SLC5A9: variants seen among roughly 807,000 people sequenced by gnomAD.
SLC5A9 encodes sodium/glucose cotransporter 4.
A neutral mutation model predicts 70.9 loss-of-function variants in SLC5A9; 59 were observed. The ratio of observed to expected loss-of-function variants is 0.83; its 90% confidence interval spans 0.68 to 1.03. The LOEUF is 1.03. Among genes scored for constraint, SLC5A9 ranks in the 50% least tolerant of loss-of-function variants. The pLI is 0.00. For missense variants in SLC5A9, 832 were observed against 881.1 expected, an observed-to-expected ratio of 0.94 and a Z score of 0.71; for synonymous variants, 340 against 346.5, an observed-to-expected ratio of 0.98 and a Z score of 0.21.
intron 10 of SLC5A9, among the ~76,000 whole-genome samples, chr1:48,236,495 AAC>A (rs1380060797): frequency 6.6e-6 from 1 of 152,238 alleles, no homozygotes; most frequent in Non-Finnish European, 1.5e-5. Context: ...TCTTGTGGGT[AAC>A]AGTTTTATGC....
intron 4 of SLC5A9, chr1:48,229,674 A>C: frequency 1.6e-6 from 1 of 611,736 alleles, no homozygotes; most frequent in Non-Finnish European, 2.7e-6. Flanking sequence ...CAGCCCCTAC[A>C]CTCAAATAAA....
At chr1:48,246,845 G>T (rs1644465354) in intron 13 of SLC5A9, among the ~76,000 whole-genome samples, 1 of 152,236 alleles carries the variant, frequency 6.6e-6, no homozygotes, top group Admixed American at 6.5e-5. Flanking sequence ...ATTTGCATAT[G>T]GCCTCACAGT....
chr1:48,224,014 C>T (rs1644107987), intron 1 of SLC5A9, among the ~76,000 whole-genome samples: 1 of 152,226 alleles, frequency 6.6e-6, no homozygotes, highest in Non-Finnish European at 1.5e-5. Context: ...TCCCTCGTGA[C>T]TGATTATTTT....
chr1:48,229,086 G>A, intron 3 of SLC5A9, 132 bp downstream of exon 3: 2 of 1,614,064 alleles, frequency 1.2e-6, no homozygotes, highest in African/African-American at 1.3e-5. Context: ...TTTCACAATT[G>A]AGAATCCATT....
Position 48,230,650 on chromosome 1 carries a change from C to G in SLC5A9, c.555C>G (p.Asn185Lys), listed in dbSNP as rs767995111. ...TCATCCAGATGGCATTGGGCTGGAA[C>G]CTGTACCTCTCCACAGGGATCCTGC... Reference protein sequence around the residue: ...ALFIQMALGWNLYLSTGILLV... With the variant: ...ALFIQMALGWKLYLSTGILLV... Residue 185 changes from asparagine (N) to lysine (K), a missense_variant, in exon 5 of 14, where the codon AAC becomes AAG. By Grantham distance (94) the Asn-to-Lys change is moderately conservative (BLOSUM62 0). Coordinates refer to ENST00000438567, the MANE Select transcript of SLC5A9 (RefSeq NM_001011547.3). 1.2e-6 allele frequency: 2 copies of G among 1,614,102 alleles called. No homozygotes were observed. The highest frequency in any genetic ancestry group is 2.2e-5 in the South Asian group (2 of 91,080).
chr1:48,237,611 T>A (rs1354982336), intron 10 of SLC5A9, 68 bp from the exon 11 acceptor site: 1 of 1,508,068 alleles, frequency 6.6e-7, no homozygotes, highest in African/African-American at 1.4e-5. Flanking sequence ...TTCCTGTGCA[T>A]CACCTTCACC....
intron 11 of SLC5A9, among the ~76,000 whole-genome samples, chr1:48,238,918 G>A (rs1198615142): frequency 2.0e-5 from 3 of 152,164 alleles, no homozygotes; most frequent in Admixed American, 1.3e-4. Flanking sequence ...GTTTGGGAAG[G>A]GGATCCTGGT....
Position 48,235,815 on chromosome 1 carries a change from A to G in SLC5A9, c.1228A>G (p.Thr410Ala), listed in dbSNP as rs756923867. 6.8e-6 allele frequency: 11 copies of G among 1,614,046 alleles called. No individual in the cohort carries two copies. The African/African-American group carries it at 1.2e-4, about 18-fold the overall frequency. Residue 410 changes from threonine to alanine, a missense_variant, in exon 10 of 14, where the codon ACC becomes GCC. Physicochemically the swap from Thr to Ala is moderately conservative, Grantham distance 58. Transcript: ENST00000438567. ...SIFNSSSTLF[T>A]IDVWQRFRRK... is the part of the protein sequence containing the mutation. The stretch of plus-strand genomic sequence containing the variant: ...CTTCAACAGCAGCAGCACCCTGTTC[A>G]CCATTGATGTGTGGCAGCGCTTCCG...
At chr1:48,228,622 C>T in intron 2 of SLC5A9, 1 of 631,910 alleles carries the variant, frequency 1.6e-6, no homozygotes, top group South Asian at 2.2e-5. Context: ...ACTGGGTGAC[C>T]TGGAGCCATG....
intron 13 of SLC5A9, 42 bp downstream of exon 13, chr1:48,242,658 AG>A (rs1303449661): frequency 7.7e-6 from 12 of 1,555,650 alleles, no homozygotes; most frequent in African/African-American, 2.7e-5. Context: ...ACAGAGGAAC[AG>A]GGGGGACAGA....
chr1:48,235,783 C>A lies in SLC5A9; in HGVS notation c.1196C>A (p.Thr399Asn), dbSNP rs1373160559. 4 of 1,614,126 alleles carry A rather than the reference C, an allele frequency of 2.5e-6. No homozygotes were observed. The highest frequency in any genetic ancestry group is 3.4e-6 in the Non-Finnish European group (4 of 1,180,054). The change falls in exon 10 of 14, where the codon ACC (threonine) becomes AAC (asparagine). Residue 399 changes from threonine to asparagine, a missense_variant. Transcript: ENST00000438567. ...VIMAALMSSL[T>N]SIFNSSSTLF... Reference sequence around the variant, plus strand: ...ATGGCCGCTCTCATGAGCTCACTCACCTCCATCTTCAACAGCAGCAGCACC... The same window carrying A: ...ATGGCCGCTCTCATGAGCTCACTCAACTCCATCTTCAACAGCAGCAGCACC...
Position 48,224,070 on chromosome 1 carries a change from G to C in SLC5A9, c.163-654G>C, listed in dbSNP as rs1402810896. Among the ~76,000 whole-genome samples, 3 of 152,288 alleles carry C rather than the reference G, an allele frequency of 2.0e-5. No homozygotes were observed. In the East Asian group the frequency reaches 5.8e-4, roughly 29 times the overall value. On this transcript the variant is annotated intron_variant, in intron 1 of 13. Transcript: ENST00000438567. Reference sequence around the variant, plus strand: ...AACTGTTGGCTTTTGCATCTGAATAGCTGCTTCAAGTTCATCCTTCCCTAC... The same window carrying C: ...AACTGTTGGCTTTTGCATCTGAATACCTGCTTCAAGTTCATCCTTCCCTAC...
rs1160982859 is a variant in SLC5A9 at position 48,237,743 on chromosome 1, A to G, written c.1357A>G (p.Ser453Gly). The change falls in exon 11 of 14, where the codon AGT (serine) becomes GGT (glycine). Residue 453 changes from serine (S) to glycine (G), a missense_variant. Coordinates refer to ENST00000438567, the MANE Select transcript of SLC5A9 (RefSeq NM_001011547.3). ...LWIPIIQSSN[S>G]GQLFDYIQAV... ...GATCCCCATCATCCAAAGCTCCAACAGTGGGCAGCTCTTCGACTACATCCA... is the reference window on the plus strand; with the variant it reads ...GATCCCCATCATCCAAAGCTCCAACGGTGGGCAGCTCTTCGACTACATCCA... 1 of 1,613,922 alleles carries G rather than the reference A, an allele frequency of 6.2e-7. No individual in the cohort carries two copies. Among genetic ancestry groups the G allele is most frequent in the African/African-American group, 1.3e-5 (1 of 74,852 alleles).
intron 8 of SLC5A9, among the ~76,000 whole-genome samples, chr1:48,232,993 G>GGGAA (rs1204759714): frequency 7.7e-6 from 1 of 130,248 alleles, no homozygotes; most frequent in African/African-American, 2.8e-5. Flanking sequence ...AGGAAGGAAG[G>GGGAA]GGAAGGAAGG....
At chr1:48,245,649 C>T (rs192152123) in intron 13 of SLC5A9, among the ~76,000 whole-genome samples, 1 of 152,214 alleles carries the variant, frequency 6.6e-6, no homozygotes, top group East Asian at 1.9e-4. Flanking sequence ...AATGTTGAGT[C>T]CTGAAAAGAA....
At position 48,228,859 on chromosome 1, in the gene SLC5A9, T is replaced by C; in HGVS notation, c.244T>C (p.Ser82Pro). 6.2e-7 allele frequency: 1 copy of C among 1,613,806 alleles called. No homozygotes were observed. The highest frequency in any genetic ancestry group is 8.5e-7 in the Non-Finnish European group (1 of 1,179,916). The change falls in exon 3 of 14, where the codon TCT (serine) becomes CCT (proline). Residue 82 changes from serine (S) to proline (P), a missense_variant. Coordinates refer to ENST00000438567, the MANE Select transcript of SLC5A9 (RefSeq NM_001011547.3). ...CAACTGTGCCTTGCAGATTGGAGCATCTCTGATGTCCAGCAATGTGGGCAG... is the reference window on the plus strand; with the variant it reads ...CAACTGTGCCTTGCAGATTGGAGCACCTCTGATGTCCAGCAATGTGGGCAG... The part of the protein sequence containing the change: ...RSMSWWPIGA[S>P]LMSSNVGSGL...
At chr1:48,228,813 C>T (rs922622971) in intron 2 of SLC5A9, 37 bp from the exon 3 acceptor site, 1 of 1,611,852 alleles carries the variant, frequency 6.2e-7, no homozygotes, top group Non-Finnish European at 8.5e-7. Context: ...TCAGATCACT[C>T]CTGACTCCTG....
intron 9 of SLC5A9, among the ~76,000 whole-genome samples, chr1:48,234,521 A>G (rs918609716): frequency 6.6e-6 from 1 of 152,156 alleles, no homozygotes; most frequent in Non-Finnish European, 1.5e-5. Context: ...AGTCAGTGGC[A>G]TCAGAGATGG....
chr1:48,238,750 T>G (rs1644359371), intron 11 of SLC5A9, among the ~76,000 whole-genome samples: 1 of 152,104 alleles, frequency 6.6e-6, no homozygotes, highest in South Asian at 2.1e-4. Flanking sequence ...GAAATCAGGA[T>G]CAGTATCTCC....
Sources: allele counts gnomAD v4.1 joint callset (sites outside exome capture counted in the v4.1 genomes callset), GRCh38; gene constraint gnomAD v4.1.1; transcripts MANE v1.5; gene names NCBI Gene and HGNC (gene_info 2026-07-23, HGNC 2026-07-21).